EXOC4: variants seen among roughly 807,000 people sequenced by gnomAD.
EXOC4 encodes the protein SEC8-like 1.
EXOC4 carries 71 observed loss-of-function variants against 107.2 expected under a neutral mutation model. The ratio of observed to expected loss-of-function variants is 0.66; its 90% CI spans 0.55 to 0.81. The LOEUF is 0.81. Ranked by LOEUF, EXOC4 falls within the 30% of genes least tolerant of loss-of-function variation. The pLI is 0.00. For missense variants in EXOC4, 1,108 were observed against 1,189.6 expected, an observed-to-expected ratio of 0.93 and a Z score of 1.01; for synonymous variants, 456 against 441.2, an observed-to-expected ratio of 1.03 and a Z score of -0.42.
chr7:133,504,021 G>T (rs892486493), intron 9 of EXOC4, among the ~76,000 whole-genome samples: 1 of 151,550 alleles, frequency 6.6e-6, no homozygotes, highest in Non-Finnish European at 1.5e-5. Context: ...ATACACACAC[G>T]TATACACACA....
chr7:133,623,699 ATTCTGAT>A (rs757450504), intron 9 of EXOC4, among the ~76,000 whole-genome samples: 185 of 152,288 alleles, frequency 1.2e-3, no homozygotes, highest in South Asian at 1.9e-3. Context: ...ACCATCACTA[ATTCTGAT>A]TTACTTGACT....
chr7:133,954,075 A>T (rs1284761795), intron 14 of EXOC4, among the ~76,000 whole-genome samples: 1 of 152,240 alleles, frequency 6.6e-6, no homozygotes, highest in East Asian at 1.9e-4. Context: ...AGATTTATGG[A>T]TTACATTTTC....
rs538964875 is a variant in EXOC4 at position 133,941,320 on chromosome 7, A to T, written c.2206+3251A>T. ...CCGAAAATTATTTTCATAGTAGAAT[A>T]TCTCTTCAGATAGGACAGTAGGAGT... is the stretch of plus-strand genomic sequence containing the variant. On this transcript the variant is annotated intron_variant, in intron 14 of 17. Coordinates refer to ENST00000253861, the MANE Select transcript of EXOC4 (RefSeq NM_021807.4). 1.3e-3 allele frequency among the ~76,000 whole-genome samples: 205 copies of T among 152,262 alleles called. 1 individual carries two copies. Among genetic ancestry groups the T allele is most frequent in the African/African-American group, 4.5e-3 (187 of 41,556 alleles).
At chr7:133,696,350 G>A (rs937487994) in intron 10 of EXOC4, among the ~76,000 whole-genome samples, 2 of 152,116 alleles carry the variant, frequency 1.3e-5, no homozygotes, top group African/African-American at 4.8e-5. Flanking sequence ...AAGAAAGACT[G>A]GTGATTTAGG....
rs78179810 is a variant in EXOC4 at position 133,821,452 on chromosome 7, C to T, written c.1734+3908C>T. The stretch of plus-strand genomic sequence containing the variant: ...TGTTTGTCACCAGTCTGCTATGAGA[C>T]GTAGAGAATTTAGGAGTGAGCATTT... On this transcript the variant is annotated intron_variant, in intron 11 of 17. Transcript: ENST00000253861. Among the ~76,000 whole-genome samples the T allele has an allele frequency of 5.6e-3, 845 of 152,240 alleles. 9 individuals carry two copies. Among genetic ancestry groups the T allele is most frequent in the African/African-American group, 0.019 (772 of 41,532 alleles).
At position 133,751,861 on chromosome 7, in the gene EXOC4, TTAGCCAGGTG is replaced by T. The variant is rs1795800018; in HGVS notation, c.1515-65462_1515-65453del. Among the ~76,000 whole-genome samples the T allele has an allele frequency of 3.3e-5, 5 of 152,160 alleles. No individual in the cohort carries two copies. The South Asian group carries it at 1.0e-3, about 32-fold the overall frequency. ...TAATTTATTTTCTTCAAGACCAGCA[TTAGCCAGGTG>T]TTGTGACCCATACTTATAATTTCAG... On this transcript the variant is annotated intron_variant, in intron 10 of 17. Transcript: ENST00000253861.
At chr7:133,591,413 A>G (rs1801538556) in intron 9 of EXOC4, among the ~76,000 whole-genome samples, 1 of 152,106 alleles carries the variant, frequency 6.6e-6, no homozygotes, top group Non-Finnish European at 1.5e-5. Context: ...TTTCAAACTG[A>G]TGTTTTATCC....
At chr7:133,923,700 C>T (rs375955035) in intron 13 of EXOC4, among the ~76,000 whole-genome samples, 1 of 152,174 alleles carries the variant, frequency 6.6e-6, no homozygotes. Flanking sequence ...TCCCACTGTA[C>T]AGGCCACCTT....
chr7:133,634,178 A>T (rs1303589324), intron 10 of EXOC4, among the ~76,000 whole-genome samples: 1 of 152,122 alleles, frequency 6.6e-6, no homozygotes, highest in Non-Finnish European at 1.5e-5. Context: ...AATCTTGCTA[A>T]CTTATTTTTA....
At chr7:133,502,225 G>C (rs1022743321) in intron 9 of EXOC4, among the ~76,000 whole-genome samples, 1 of 150,996 alleles carries the variant, frequency 6.6e-6, no homozygotes, top group African/African-American at 2.4e-5. Flanking sequence ...TTAAGACAAT[G>C]GGAAATTCAG....
intron 11 of EXOC4, among the ~76,000 whole-genome samples, chr7:133,820,563 G>A (rs1372076239): frequency 1.3e-5 from 2 of 152,204 alleles, no homozygotes; most frequent in Admixed American, 1.3e-4. Context: ...CAAATGTTAA[G>A]AAGGAGCTTG....
chr7:133,580,281 T>G (rs867728815), intron 9 of EXOC4, among the ~76,000 whole-genome samples: 1 of 152,262 alleles, frequency 6.6e-6, no homozygotes, highest in African/African-American at 2.4e-5. Context: ...TTGGCTTTTG[T>G]GAATAATGCT....
At chr7:133,970,792 C>T (rs1801203046) in intron 14 of EXOC4, among the ~76,000 whole-genome samples, 1 of 152,154 alleles carries the variant, frequency 6.6e-6, no homozygotes, top group Admixed American at 6.5e-5. Context: ...TCCTATTCAG[C>T]CATCTTGCCA....
At chr7:133,724,628 AAGATACAGATAAT>A (rs1795178255) in intron 10 of EXOC4, among the ~76,000 whole-genome samples, 1 of 152,232 alleles carries the variant, frequency 6.6e-6, no homozygotes, top group Admixed American at 6.5e-5. Context: ...AATGAATCAT[AAGATACAGATAAT>A]AGATCATTTG....
chr7:133,407,114 A>T (rs1797238987), intron 7 of EXOC4, among the ~76,000 whole-genome samples: 1 of 152,116 alleles, frequency 6.6e-6, no homozygotes, highest in African/African-American at 2.4e-5. Context: ...GTTTAATCAG[A>T]ATCCACCCTC....
At chr7:133,529,433 G>A (rs889908593) in intron 9 of EXOC4, among the ~76,000 whole-genome samples, 1 of 152,098 alleles carries the variant, frequency 6.6e-6, no homozygotes, top group Admixed American at 6.5e-5. Flanking sequence ...TATCAGGCGA[G>A]GGAACTTATA....
At chr7:133,580,779 G>A (rs1448157695) in intron 9 of EXOC4, among the ~76,000 whole-genome samples, 1 of 152,166 alleles carries the variant, frequency 6.6e-6, no homozygotes, top group Non-Finnish European at 1.5e-5. Context: ...CTGCATCTTA[G>A]TGTAGTGACT....
At chr7:133,569,104 G>A (rs1800966344) in intron 9 of EXOC4, among the ~76,000 whole-genome samples, 1 of 151,986 alleles carries the variant, frequency 6.6e-6, no homozygotes, top group Non-Finnish European at 1.5e-5. Context: ...CTTCCCAACT[G>A]TGTGATTTTG....
At chr7:133,738,542 T>C (rs897346987) in intron 10 of EXOC4, among the ~76,000 whole-genome samples, 3 of 152,178 alleles carry the variant, frequency 2.0e-5, no homozygotes, top group African/African-American at 4.8e-5. Flanking sequence ...AGACATTCTT[T>C]GTGATTAGCT....
Sources: allele counts gnomAD v4.1 joint callset (sites outside exome capture counted in the v4.1 genomes callset), GRCh38; gene constraint gnomAD v4.1.1; transcripts MANE v1.5; gene names NCBI Gene and HGNC (gene_info 2026-07-23, HGNC 2026-07-21).